The following AQP1 variants were observed in gnomAD, a reference collection of about 807,000 sequenced individuals.
The protein encoded by AQP1 is aquaporin 1 (Colton blood group).
A neutral mutation model predicts 19.7 loss-of-function variants in AQP1; 11 were observed. That is an observed-to-expected ratio of 0.56 (90% CI 0.35 to 0.92). The LOEUF (loss-of-function observed/expected upper bound fraction) is 0.92. AQP1 is among the 40% of genes least tolerant of loss of function. The pLI is 0.01. For synonymous variants in AQP1, 159 were observed against 166.7 expected (o/e 0.95, Z 0.36); for missense variants, 320 against 369.7 (o/e 0.87, Z 1.10).
rs377619784 is a variant in AQP1, at chr7:30,922,565, T to C, written c.551T>C (p.Ile184Thr). 40 of 1,614,026 alleles carry C rather than the reference T, an allele frequency of 2.5e-5. 1 individual carries two copies. Among genetic ancestry groups the C allele is most frequent in the South Asian group, 1.9e-4 (17 of 91,084 alleles). The change falls in exon 3 of 4, where the codon ATT becomes ACT. Residue 184 changes from isoleucine to threonine, a missense_variant and splice_region_variant. Transcript: ENST00000311813. ...TCCCTCTGTTTCTTTCCCTCACAGA[T>C]TGACTACACTGGCTGTGGGATTAAC... ...LSVALGHLLA[I>T]DYTGCGINPA...
chr7:30,915,198 G>A (rs752472359), intron 1 of AQP1, among the ~76,000 whole-genome samples: 1 of 152,088 alleles, frequency 6.6e-6, no homozygotes, highest in Non-Finnish European at 1.5e-5. Flanking sequence ...CTGCTCAGCC[G>A]GCTCCCTGCA....
chr7:30,915,938 G>C (rs895847932), intron 1 of AQP1, among the ~76,000 whole-genome samples: 1 of 152,164 alleles, frequency 6.6e-6, no homozygotes, highest in Non-Finnish European at 1.5e-5. Flanking sequence ...TGCCCAGGGA[G>C]GGGCTGGGGG....
chr7:30,921,224 G>A, intron 1 of AQP1: 1 of 1,091,170 alleles, frequency 9.2e-7, no homozygotes, highest in Non-Finnish European at 1.1e-6. Context: ...GGGTCCTCCG[G>A]GGGCAGCTGC....
intron 1 of AQP1, among the ~76,000 whole-genome samples, chr7:30,914,372 C>T (rs1306620719): frequency 6.6e-6 from 1 of 152,238 alleles, no homozygotes; most frequent in Non-Finnish European, 1.5e-5. Flanking sequence ...CAGCCACACC[C>T]AGACAGCCAG....
At chr7:30,918,793 C>T (rs1004318) in intron 1 of AQP1, among the ~76,000 whole-genome samples, 37,287 of 152,156 alleles carry the variant, frequency 0.25, 8,759 homozygotes, top group African/African-American at 0.61. Context: ...ACACTGGCAG[C>T]CACAGAACCA....
In AQP1 at chr7:30,912,235, C is replaced by T. The variant is rs1791186437; in HGVS notation, c.326C>T (p.Thr109Ile). Residue 109 changes from threonine (T) to isoleucine (I), a missense_variant, in exon 1 of 4, where the codon ACC (threonine) becomes ATC (isoleucine). Coordinates refer to ENST00000311813, the MANE Select transcript of AQP1 (RefSeq NM_198098.4). The surrounding 1 kb of genome is among the most constrained non-coding windows in gnomAD (Gnocchi z 4.3). ...CAGTGCGTGGGGGCCATCGTCGCCA[C>T]CGCCATCCTCTCAGGCATCACCTCC... is the stretch of plus-strand genomic sequence containing the variant. Reference protein sequence around the residue: ...IAQCVGAIVATAILSGITSSL... With the variant: ...IAQCVGAIVAIAILSGITSSL... 6.2e-7 allele frequency: 1 copy of T among 1,608,670 alleles called. No individual in the cohort carries two copies. Among genetic ancestry groups the T allele is most frequent in the African/African-American group, 1.3e-5 (1 of 74,942 alleles).
intron 1 of AQP1, among the ~76,000 whole-genome samples, chr7:30,915,752 T>G (rs4419722): frequency 0.2 from 30,926 of 152,190 alleles, 4,018 homozygotes; most frequent in African/African-American, 0.38. Context: ...GGGGCCTGAC[T>G]GAAGCCCTAA....
intron 1 of AQP1, among the ~76,000 whole-genome samples, chr7:30,917,748 G>A (rs1028713661): frequency 2.0e-5 from 3 of 152,016 alleles, no homozygotes; most frequent in Non-Finnish European, 2.9e-5. Context: ...AGGGGTACAG[G>A]GTTTTCATAT....
rs1044347359 is a variant in AQP1, at chr7:30,912,379, G to T, written c.384+86G>T. Reference sequence around the variant, plus strand: ...CATCCTCTGCCCATTGTGCAGATGGGGACACTGAGGAACGGAGAGGACAAG... The same window carrying T: ...CATCCTCTGCCCATTGTGCAGATGGTGACACTGAGGAACGGAGAGGACAAG... On this transcript the variant is annotated intron_variant, in intron 1 of 3. Transcript: ENST00000311813. This position sits in a 1 kb window ranked among gnomAD's most constrained non-coding sequence, Gnocchi z 4.3. 7.4e-5 allele frequency: 114 copies of T among 1,533,858 alleles called. No individual in the cohort carries two copies. Among genetic ancestry groups the T allele is most frequent in the Non-Finnish European group, 9.6e-5 (109 of 1,136,454 alleles).
intron 1 of AQP1, chr7:30,921,438 A>C: frequency 6.9e-7 from 1 of 1,444,798 alleles, no homozygotes; most frequent in Non-Finnish European, 9.1e-7. Flanking sequence ...GGCCAGAAGC[A>C]ATGGGAGACA....
rs968648162 is a variant in AQP1 at position 30,912,570 on chromosome 7, G to C, written c.384+277G>C. ...GCAGGGCATCTATTATGGGGAATAAGCTTGGCCAGCAGTTCCTCGCCCCTT... is the reference window on the plus strand; with the variant it reads ...GCAGGGCATCTATTATGGGGAATAACCTTGGCCAGCAGTTCCTCGCCCCTT... On this transcript the variant is annotated intron_variant, in intron 1 of 3. Coordinates refer to ENST00000311813, the MANE Select transcript of AQP1 (RefSeq NM_198098.4). This position sits in a 1 kb window ranked among gnomAD's most constrained non-coding sequence, Gnocchi z 4.3. 6.6e-6 allele frequency among the ~76,000 whole-genome samples: 1 copy of C among 152,222 alleles called. No individual in the cohort carries two copies. Among genetic ancestry groups the C allele is most frequent in the African/African-American group, 2.4e-5 (1 of 41,450 alleles).
rs1292120060 is a variant in AQP1 at position 30,923,898 on chromosome 7, C to T, written c.*269C>T. 6.1e-6 allele frequency: 9 copies of T among 1,476,026 alleles called. No individual in the cohort carries two copies. Among genetic ancestry groups the T allele is most frequent in the Non-Finnish European group, 8.2e-6 (9 of 1,103,598 alleles). 91.4% of individuals were successfully genotyped at this position (1,476,026 alleles called of 1,614,324 possible). A position where few individuals can be genotyped will look rare whatever the true frequency, so the allele number is the denominator to read the frequency against. ...TTGTGGAGGAGGTGAAAGAAAGGGA[C>T]CCACCTGCTAGTCGCCCCTCAGAGC... On this transcript the variant is annotated 3_prime_UTR_variant, in exon 4 of 4. Transcript: ENST00000311813. The surrounding 1 kb of genome is among the most constrained non-coding windows in gnomAD (Gnocchi z 4.8).
intron 1 of AQP1, among the ~76,000 whole-genome samples, chr7:30,921,004 T>C (rs1791484077): frequency 6.6e-6 from 1 of 152,140 alleles, no homozygotes; most frequent in African/African-American, 2.4e-5. Flanking sequence ...CACTCCCATA[T>C]CCTGAGGATG....
chr7:30,920,174 C>T (rs186443773), intron 1 of AQP1, among the ~76,000 whole-genome samples: 271 of 152,214 alleles, frequency 1.8e-3, no homozygotes, highest in Non-Finnish European at 3.4e-3. Context: ...TTCTCCAAGG[C>T]GGGAGCCACT....
intron 3 of AQP1, 33 bp downstream of exon 3, chr7:30,922,677 T>C: frequency 6.3e-7 from 1 of 1,588,504 alleles, no homozygotes; most frequent in Non-Finnish European, 8.6e-7. Flanking sequence ...GGTGGGAAGC[T>C]TTGGTGTCCC....
chr7:30,922,335 A>G, intron 2 of AQP1, 105 bp downstream of exon 2: 1 of 1,477,338 alleles, frequency 6.8e-7, no homozygotes, highest in Admixed American at 2.0e-5. Flanking sequence ...GGCTCTTGCC[A>G]TTGGGTGGAG....
intron 1 of AQP1, 134 bp from the exon 2 acceptor site, chr7:30,921,932 T>C: frequency 6.4e-7 from 1 of 1,550,496 alleles, no homozygotes; most frequent in East Asian, 2.3e-5. Flanking sequence ...TGGGACCCTG[T>C]GATGGGCTCT....
chr7:30,915,453 G>C (rs1383806739), intron 1 of AQP1, among the ~76,000 whole-genome samples: 1 of 152,198 alleles, frequency 6.6e-6, no homozygotes, highest in Non-Finnish European at 1.5e-5. Flanking sequence ...ACACTGCAGA[G>C]GGAAGGGGCA....
rs1035349679 is a variant in AQP1, at chr7:30,923,661, G to A, written c.*32G>A. 14 of 1,576,174 alleles carry A rather than the reference G, an allele frequency of 8.9e-6. No homozygotes were observed. Among genetic ancestry groups the A allele is most frequent in the South Asian group, 1.2e-5 (1 of 86,874 alleles). The stretch of plus-strand genomic sequence containing the variant: ...TCTGGCCCGGGCATCCACGTAGGGG[G>A]CAGGGGCAGGGGCGGGCGGAGGGAG... On this transcript the variant is annotated 3_prime_UTR_variant, in exon 4 of 4. Transcript: ENST00000311813. This position sits in a 1 kb window ranked among gnomAD's most constrained non-coding sequence, Gnocchi z 4.8.
Sources: gnomAD v4.1 joint callset for allele counts (sites outside exome capture counted in the v4.1 genomes callset) on GRCh38, gnomAD v4.1.1 for gene constraint, Gnocchi (gnomAD v3.1) non-coding constraint, MANE v1.5 for transcripts, NCBI Gene and HGNC (gene_info 2026-07-23, HGNC 2026-07-21) for gene names.